Variants in HS6ST2 observed in about 807,000 individuals in gnomAD.
The protein encoded by HS6ST2 is heparan-sulfate 6-O-sulfotransferase 2.
Under a neutral mutation model 33.0 loss-of-function variants are expected in HS6ST2, and 17 were observed. The ratio of observed to expected loss-of-function variants is 0.52; its 90% CI spans 0.35 to 0.77. The LOEUF is 0.77. Among genes scored for constraint, HS6ST2 ranks in the 30% least tolerant of loss-of-function variants. HS6ST2 has a pLI of 0.01. For synonymous variants in HS6ST2, 248 were observed against 237.1 expected (o/e 1.05, Z -0.42); for missense variants, 519 against 551.7 (o/e 0.94, Z 0.59).
At chrX:132,905,588 C>T (rs1398507429) in intron 2 of HS6ST2, among the ~76,000 whole-genome samples, 1 of 111,694 alleles carries the variant, frequency 9.0e-6, no homozygotes, top group African/African-American at 3.3e-5. Context: ...TGGACAACTA[C>T]TACAACGCTA....
chrX:132,871,182 ATCAGTGG>A (rs2066053872), intron 2 of HS6ST2, among the ~76,000 whole-genome samples: 1 of 112,725 alleles, frequency 8.9e-6, no homozygotes, highest in Non-Finnish European at 1.9e-5. Context: ...AAAGCTCATC[ATCAGTGG>A]TCATTAGAGA....
chrX:132,865,066 C>T (rs948324119), intron 2 of HS6ST2, among the ~76,000 whole-genome samples: 2 of 109,262 alleles, frequency 1.8e-5, no homozygotes, highest in Admixed American at 9.8e-5. Context: ...CATGCTGGTG[C>T]GCTGCACCCA....
chrX:132,898,381 TTATATA>T (rs10545986), intron 2 of HS6ST2, among the ~76,000 whole-genome samples: 56 of 89,195 alleles, frequency 6.3e-4, no homozygotes, highest in Middle Eastern at 6.0e-3. Context: ...CAACATAAGG[TTATATA>T]TATATATATA....
chrX:132,877,264 A>G (rs1190653741), intron 2 of HS6ST2, among the ~76,000 whole-genome samples: 2 of 112,221 alleles, frequency 1.8e-5, no homozygotes, highest in African/African-American at 3.2e-5. Context: ...CAATAACCCA[A>G]TAAGAAAGGT....
rs866370077 is a variant in HS6ST2, at chrX:132,828,706, A to G, written c.948-120212T>C. Among the ~76,000 whole-genome samples the G allele has an allele frequency of 4.8e-5, 4 of 83,424 alleles. 1 individual carries two copies. The highest frequency in any genetic ancestry group is 7.1e-5 in the Non-Finnish European group (3 of 42,151). 72.4% of individuals were successfully genotyped at this position (83,424 alleles called of 115,157 possible). A position where few individuals can be genotyped will look rare whatever the true frequency, so the allele number is the denominator to read the frequency against. ...TATATATATATATACACACACACAC[A>G]CACACACACACACACACACACACAC... On this transcript the variant is annotated intron_variant, in intron 2 of 4. Coordinates refer to ENST00000370833, the MANE Select transcript of HS6ST2 (RefSeq NM_001394073.1).
In HS6ST2 at chrX:132,628,798, T is replaced by C. The variant is rs753259351; in HGVS notation, c.1363A>G (p.Lys455Glu). The change falls in exon 5 of 5, where the codon AAG becomes GAG. Residue 455 changes from lysine (K) to glutamate (E), a missense_variant. By Grantham distance (56) the Lys-to-Glu change is moderately conservative (BLOSUM62 1). Transcript: ENST00000370833. ...GACTTGGCACTTTCCAGAAGGACCT[T>C]GTTTCTTTGCTTTTCAGGCATGACA... ...LSVMPEKQRN[K>E]VLLESAKSNL... 19 of 1,211,746 alleles carry C rather than the reference T, an allele frequency of 1.6e-5. No individual in the cohort carries two copies. In the South Asian group the frequency reaches 3.0e-4, roughly 19 times the overall value.
At chrX:132,906,760 C>T (rs1441018406) in intron 2 of HS6ST2, among the ~76,000 whole-genome samples, 1 of 111,157 alleles carries the variant, frequency 9.0e-6, no homozygotes, top group East Asian at 2.8e-4. Flanking sequence ...CTCTGCCTCC[C>T]GGGTTCAAGC....
chrX:132,916,781 T>C (rs954795968), intron 2 of HS6ST2, among the ~76,000 whole-genome samples: 14 of 111,916 alleles, frequency 1.3e-4, no homozygotes, highest in African/African-American at 4.2e-4. Flanking sequence ...AGATTGAAGG[T>C]TGTACTGTCT....
At chrX:132,681,436 C>T (rs755440666) in intron 3 of HS6ST2, among the ~76,000 whole-genome samples, 1 of 111,506 alleles carries the variant, frequency 9.0e-6, no homozygotes, top group Non-Finnish European at 1.9e-5. Flanking sequence ...AGAAATGGGT[C>T]GTTTTGCTCT....
At chrX:132,845,029 G>A (rs1171247814) in intron 2 of HS6ST2, among the ~76,000 whole-genome samples, 4 of 108,217 alleles carry the variant, frequency 3.7e-5, no homozygotes, top group Non-Finnish European at 7.7e-5. Context: ...AGTCTCTCTA[G>A]GGTTAAAACT....
intron 3 of HS6ST2, among the ~76,000 whole-genome samples, chrX:132,688,074 A>T (rs2064033516): frequency 8.9e-6 from 1 of 112,228 alleles, no homozygotes; most frequent in Admixed American, 9.4e-5. Context: ...CCTCATACAA[A>T]TCTTTAGTCT....
intron 2 of HS6ST2, among the ~76,000 whole-genome samples, chrX:132,878,280 G>A (rs1484347643): frequency 8.9e-6 from 1 of 112,195 alleles, no homozygotes; most frequent in Non-Finnish European, 1.9e-5. Flanking sequence ...GATGAGGCCA[G>A]GCTCCACCCC....
In HS6ST2 at chrX:132,631,805, T is replaced by C. The variant is rs140657315; in HGVS notation, c.1068-2712A>G. ...GCCTACAGTGACATCTTCTGGTAAA[T>C]ATTAAGAGTGCACCACAGTGGAAGT... On this transcript the variant is annotated intron_variant, in intron 4 of 4. Coordinates refer to ENST00000370833, the MANE Select transcript of HS6ST2 (RefSeq NM_001394073.1). Among the ~76,000 whole-genome samples, 298 of 111,085 alleles carry C rather than the reference T, an allele frequency of 2.7e-3. 2 individuals carry two copies. The highest frequency in any genetic ancestry group is 9.5e-3 in the African/African-American group (289 of 30,506).
chrX:132,879,274 T>C (rs1348688695), intron 2 of HS6ST2, among the ~76,000 whole-genome samples: 2 of 111,377 alleles, frequency 1.8e-5, no homozygotes, highest in African/African-American at 3.3e-5. Flanking sequence ...TGTGCTAAGG[T>C]GTGCTAAGGT....
intron 2 of HS6ST2, among the ~76,000 whole-genome samples, chrX:132,835,170 A>G (rs1243765650): frequency 8.9e-6 from 1 of 111,972 alleles, no homozygotes; most frequent in African/African-American, 3.2e-5. Flanking sequence ...CAGGCTGTGC[A>G]TTCCATACAC....
Position 132,946,924 on chromosome X carries a change from G to C in HS6ST2, c.947+9884C>G, listed in dbSNP as rs147654133. On this transcript the variant is annotated intron_variant, in intron 2 of 4. Coordinates refer to ENST00000370833, the MANE Select transcript of HS6ST2 (RefSeq NM_001394073.1). ...CCTGGGTCAAACTACCTAAGTCTTG[G>C]AGTTCTTCACTTTTGTATGTCAATT... Among the ~76,000 whole-genome samples the C allele has an allele frequency of 8.9e-3, 990 of 111,578 alleles. 15 individuals carry two copies. Among genetic ancestry groups the C allele is most frequent in the African/African-American group, 0.031 (944 of 30,734 alleles).
intron 2 of HS6ST2, among the ~76,000 whole-genome samples, chrX:132,758,839 G>A (rs767396743): frequency 8.9e-6 from 1 of 111,882 alleles, no homozygotes; most frequent in African/African-American, 3.2e-5. Flanking sequence ...GCCAACTGGA[G>A]TTCCCCTCCT....
At chrX:132,786,125 A>G (rs1486677780) in intron 2 of HS6ST2, among the ~76,000 whole-genome samples, 1 of 112,045 alleles carries the variant, frequency 8.9e-6, no homozygotes, top group Non-Finnish European at 1.9e-5. Flanking sequence ...TACACAGTAA[A>G]CACTTAGAAC....
In HS6ST2 at chrX:132,790,092, A is replaced by C. The variant is rs144009185; in HGVS notation, c.948-81598T>G. Among the ~76,000 whole-genome samples the C allele has an allele frequency of 4.0e-3, 447 of 112,311 alleles. 1 individual carries two copies. The highest frequency in any genetic ancestry group is 0.013 in the African/African-American group (397 of 30,965). On this transcript the variant is annotated intron_variant, in intron 2 of 4. Coordinates refer to ENST00000370833, the MANE Select transcript of HS6ST2 (RefSeq NM_001394073.1). The stretch of plus-strand genomic sequence containing the variant: ...TTGAAAGAAGTTTTACTGTGGGTAA[A>C]ATCCTCTCAAACAGCATCACATGCT...
Sources: gnomAD v4.1 joint callset for allele counts (sites outside exome capture counted in the v4.1 genomes callset) on GRCh38, gnomAD v4.1.1 for gene constraint, MANE v1.5 for transcripts, NCBI Gene and HGNC (gene_info 2026-07-23, HGNC 2026-07-21) for gene names.